Variants in ZFAND5 observed in about 807,000 individuals in gnomAD.
ZFAND5 encodes AN1-type zinc finger protein 5.
Under a neutral mutation model 23.6 loss-of-function variants are expected in ZFAND5, and 4 were observed. The observed-to-expected ratio is 0.17, with a 90% CI of 0.08 to 0.39. The LOEUF is 0.39. Ranked by LOEUF, ZFAND5 falls within the 10% of genes least tolerant of loss-of-function variation. ZFAND5 has a pLI of 1.00. For missense variants in ZFAND5, 161 were observed against 253.7 expected (o/e 0.63, Z 2.48); for synonymous variants, 68 against 80.6 (o/e 0.84, Z 0.84).
intron 4 of ZFAND5, 101 bp downstream of exon 4, chr9:72,360,008 AT>A (rs1252369694): frequency 1.0e-6 from 1 of 965,090 alleles, no homozygotes; most frequent in Admixed American, 2.8e-5. Context: ...GAAATCCTCG[AT>A]TGCAAAGCCA....
At position 72,364,768 on chromosome 9, in the gene ZFAND5, G is replaced by T; in HGVS notation, c.-219C>A. On this transcript the variant is annotated 5_prime_UTR_variant, in exon 1 of 7. Transcript: ENST00000376962. ...ACGATGAGGCCGGGCCGAGGCCTCCGGGAAGGCTGAGCCGGGCGCCCTGGT... is the reference window on the plus strand; with the variant it reads ...ACGATGAGGCCGGGCCGAGGCCTCCTGGAAGGCTGAGCCGGGCGCCCTGGT... 2.4e-6 allele frequency: 1 copy of T among 423,998 alleles called. No homozygotes were observed. Among genetic ancestry groups the T allele is most frequent in the Non-Finnish European group, 3.3e-6 (1 of 302,718 alleles). 26.3% of individuals were successfully genotyped at this position (423,998 alleles called of 1,614,324 possible).
At chr9:72,360,585 C>G (rs1162041129) in intron 3 of ZFAND5, 43 bp downstream of exon 3, 1 of 1,610,814 alleles carries the variant, frequency 6.2e-7, no homozygotes, top group South Asian at 1.1e-5. Flanking sequence ...GTATTTCTGT[C>G]CACCAGTTCT....
intron 1 of ZFAND5, chr9:72,364,421 C>G: frequency 1.4e-5 from 17 of 1,256,268 alleles, no homozygotes; most frequent in Non-Finnish European, 1.6e-5. Flanking sequence ...GGCCTAGAGG[C>G]CGGCCCCGCA....
chr9:72,360,998 A>G (rs1842080603), intron 2 of ZFAND5, among the ~76,000 whole-genome samples: 1 of 152,156 alleles, frequency 6.6e-6, no homozygotes, highest in Non-Finnish European at 1.5e-5. Context: ...CCAAAAAGAA[A>G]TTTTATCAAT....
At chr9:72,357,845 T>C (rs72729129) in intron 5 of ZFAND5, among the ~76,000 whole-genome samples, 1 of 152,118 alleles carries the variant, frequency 6.6e-6, no homozygotes, top group Non-Finnish European at 1.5e-5. Flanking sequence ...TAAGTTTCAG[T>C]GTACACATGG....
intron 1 of ZFAND5, chr9:72,364,328 G>C (rs1054356267): frequency 2.0e-6 from 2 of 1,008,478 alleles, no homozygotes; most frequent in Non-Finnish European, 2.5e-6. Flanking sequence ...GGGCTGCAAC[G>C]GGCAGGGGGC....
intron 5 of ZFAND5, among the ~76,000 whole-genome samples, chr9:72,357,921 G>T (rs758472267): frequency 1.2e-4 from 18 of 152,180 alleles, no homozygotes; most frequent in Non-Finnish European, 2.2e-4. Context: ...ACTGCCACTA[G>T]TTCTTTAACA....
Position 72,353,869 on chromosome 9 carries a change from TGTACCTCCCTAACTTGAA to T in ZFAND5, c.*2066_*2083del, listed in dbSNP as rs1841855525. Reference sequence around the variant, plus strand: ...CAGTATAGGAACTTTGACATACATATGTACCTCCCTAACTTGAAGCAAAAGTAGCAGCATGCAAAGAAC... The same window carrying T: ...CAGTATAGGAACTTTGACATACATATGCAAAAGTAGCAGCATGCAAAGAAC... On this transcript the variant is annotated 3_prime_UTR_variant, in exon 7 of 7. Coordinates refer to ENST00000376962, the MANE Select transcript of ZFAND5 (RefSeq NM_001102420.3). The T allele has an allele frequency of 6.6e-6, 1 of 152,174 alleles. No homozygotes were observed. The highest frequency in any genetic ancestry group is 1.5e-5 in the Non-Finnish European group (1 of 68,026). 9.4% of individuals were successfully genotyped at this position (152,174 alleles called of 1,614,324 possible).
Position 72,355,879 on chromosome 9 carries a change from G to C in ZFAND5, c.*74C>G. On this transcript the variant is annotated 3_prime_UTR_variant, in exon 7 of 7. Coordinates refer to ENST00000376962, the MANE Select transcript of ZFAND5 (RefSeq NM_001102420.3). ...GAGAACATCAAAGAAAAATGGCCAT[G>C]CATCTGCTCTTTAATGTTTTCCTAC... The C allele has an allele frequency of 2.2e-6, 3 of 1,374,186 alleles. No homozygotes were observed. Among genetic ancestry groups the C allele is most frequent in the Non-Finnish European group, 3.0e-6 (3 of 1,008,402 alleles). The allele number at this position is 1,374,186 out of a possible 1,614,324, so 85.1% of individuals were successfully genotyped here. A position where few individuals can be genotyped will look rare whatever the true frequency, so the allele number is the denominator to read the frequency against.
Position 72,351,644 on chromosome 9 carries a change from T to G in ZFAND5, c.*4309A>C, listed in dbSNP as rs1353300350. 1 of 151,920 alleles carries G rather than the reference T, an allele frequency of 6.6e-6. No individual in the cohort carries two copies. Among genetic ancestry groups the G allele is most frequent in the Non-Finnish European group, 1.5e-5 (1 of 67,980 alleles). 9.4% of individuals were successfully genotyped at this position (151,920 alleles called of 1,614,324 possible). On this transcript the variant is annotated 3_prime_UTR_variant, in exon 7 of 7. Transcript: ENST00000376962. ...CGGTATTTATTCAATGACTGTATAT[T>G]TAGTCACCACCTCAACCACTGCTAA...
chr9:72,360,501 T>C (rs1054456246), intron 3 of ZFAND5, 127 bp downstream of exon 3: 7 of 1,271,056 alleles, frequency 5.5e-6, no homozygotes, highest in Non-Finnish European at 7.8e-6. Flanking sequence ...CTTGGGCTGT[T>C]GCTTGAATTT....
Position 72,354,243 on chromosome 9 carries a change from T to G in ZFAND5, c.*1710A>C, listed in dbSNP as rs978752967. 3 of 152,230 alleles carry G rather than the reference T, an allele frequency of 2.0e-5. No individual in the cohort carries two copies. The highest frequency in any genetic ancestry group is 2.9e-5 in the Non-Finnish European group (2 of 68,030). 9.4% of individuals were successfully genotyped at this position (152,230 alleles called of 1,614,324 possible). ...TTTCATCTTTCTCAAATTTTAAAAT[T>G]GTTTTAATCCCAAAGGTGCCTATTG... On this transcript the variant is annotated 3_prime_UTR_variant, in exon 7 of 7. Transcript: ENST00000376962.
At chr9:72,356,184 C>T in intron 6 of ZFAND5, 83 bp from the exon 7 acceptor site, 2 of 1,509,448 alleles carry the variant, frequency 1.3e-6, no homozygotes, top group Non-Finnish European at 1.8e-6. Context: ...AGAAAAGGAA[C>T]CAGATTTTCA....
intron 5 of ZFAND5, 99 bp downstream of exon 5, chr9:72,359,316 CCCT>C: frequency 9.0e-7 from 1 of 1,107,982 alleles, no homozygotes; most frequent in South Asian, 1.5e-5. Context: ...TTATGGCTCT[CCCT>C]CCTCTTTGGT....
chr9:72,351,440 T>C lies in ZFAND5; in HGVS notation c.*4513A>G, dbSNP rs1266782443. ...GCACAAAACAAAACAAAAAAAGTCT[T>C]ACATTTATTAACTTTACTTCTATGG... On this transcript the variant is annotated 3_prime_UTR_variant, in exon 7 of 7. Transcript: ENST00000376962. The C allele has an allele frequency of 6.6e-6, 1 of 152,186 alleles. No individual in the cohort carries two copies. The highest frequency in any genetic ancestry group is 1.5e-5 in the Non-Finnish European group (1 of 68,032). 9.4% of individuals were successfully genotyped at this position (152,186 alleles called of 1,614,324 possible). A position where few individuals can be genotyped will look rare whatever the true frequency, so the allele number is the denominator to read the frequency against.
intron 2 of ZFAND5, among the ~76,000 whole-genome samples, chr9:72,361,347 A>C (rs1344180367): frequency 9.1e-6 from 1 of 109,812 alleles, no homozygotes; most frequent in African/African-American, 3.6e-5. Context: ...TGAAAAGAGA[A>C]CTGGTAGCCC....
At chr9:72,358,752 T>C (rs1408756126) in intron 5 of ZFAND5, among the ~76,000 whole-genome samples, 4 of 152,146 alleles carry the variant, frequency 2.6e-5, no homozygotes, top group African/African-American at 4.8e-5. Context: ...AGAAGTTTTA[T>C]ATTGCATTTA....
In ZFAND5 at chr9:72,357,643, TGAAA is replaced by T. The variant is rs368437447; in HGVS notation, c.368-591_368-588del. Among the ~76,000 whole-genome samples, 191 of 152,244 alleles carry T rather than the reference TGAAA, an allele frequency of 1.3e-3. 1 individual carries two copies. The highest frequency in any genetic ancestry group is 4.3e-3 in the African/African-American group (177 of 41,550). On this transcript the variant is annotated intron_variant, in intron 5 of 6. Coordinates refer to ENST00000376962, the MANE Select transcript of ZFAND5 (RefSeq NM_001102420.3). ...GTGCACTAAACATCATAGGAAGACT[TGAAA>T]GATTTTTTTAAACCTTGGTTTTAAA... is the stretch of plus-strand genomic sequence containing the variant.
At position 72,353,927 on chromosome 9, in the gene ZFAND5, AG is replaced by A. The variant is rs1216598922; in HGVS notation, c.*2025del. On this transcript the variant is annotated 3_prime_UTR_variant, in exon 7 of 7. Transcript: ENST00000376962. ...ATGCAAAGAACTGACAGATAAAACT[AG>A]GGTATTTCCACCCCAAACTCCATCA... The A allele has an allele frequency of 6.6e-6, 1 of 152,132 alleles. No homozygotes were observed. Among genetic ancestry groups the A allele is most frequent in the Non-Finnish European group, 1.5e-5 (1 of 68,030 alleles). 9.4% of individuals were successfully genotyped at this position (152,132 alleles called of 1,614,324 possible).
Sources: allele counts gnomAD v4.1 joint callset (sites outside exome capture counted in the v4.1 genomes callset), GRCh38; gene constraint gnomAD v4.1.1; transcripts MANE v1.5; gene names NCBI Gene and HGNC (gene_info 2026-07-23, HGNC 2026-07-21).